The following BASP1 variants were observed in gnomAD, a reference collection of about 807,000 sequenced individuals.
BASP1 encodes the protein brain acid soluble protein 1.
Under a neutral mutation model 2.2 loss-of-function variants are expected in BASP1, and 1 was observed. The ratio of observed to expected loss-of-function variants is 0.46; its 90% CI spans 0.16 to 2.17. The LOEUF is 2.17. Among genes scored for constraint, BASP1 ranks in the 30% most tolerant of loss-of-function variants. BASP1 has a pLI of 0.27. For synonymous variants in BASP1, 187 were observed against 154.2 expected (o/e 1.21, Z -1.58); for missense variants, 352 against 327.2 (o/e 1.08, Z -0.58).
At chr5:17,249,741 G>T (rs1740064582) in intron 1 of BASP1, among the ~76,000 whole-genome samples, 1 of 151,954 alleles carries the variant, frequency 6.6e-6, no homozygotes, top group Non-Finnish European at 1.5e-5. Flanking sequence ...CTGTAGTAAC[G>T]TTTATCTATC....
At chr5:17,220,737 C>T (rs1222248025) in intron 1 of BASP1, among the ~76,000 whole-genome samples, 1 of 152,202 alleles carries the variant, frequency 6.6e-6, no homozygotes, top group Non-Finnish European at 1.5e-5. Context: ...CCTTGGAGGC[C>T]TCTTCATAAT....
chr5:17,247,476 C>CA (rs1176846999), intron 1 of BASP1, among the ~76,000 whole-genome samples: 1 of 152,204 alleles, frequency 6.6e-6, no homozygotes, highest in Non-Finnish European at 1.5e-5. Flanking sequence ...ATTATGCCTT[C>CA]ATTCAATTAT....
chr5:17,255,747 TGCATC>T (rs1740198163), intron 1 of BASP1, among the ~76,000 whole-genome samples: 1 of 63,058 alleles, frequency 1.6e-5, no homozygotes, highest in Non-Finnish European at 4.6e-5. Flanking sequence ...TCATGTTAAA[TGCATC>T]TCTTTCACTT....
rs751909790 is a variant in BASP1, at chr5:17,275,308, C to T, written c.92C>T (p.Thr31Met). 151 of 1,613,092 alleles carry T rather than the reference C, an allele frequency of 9.4e-5. No homozygotes were observed. The highest frequency in any genetic ancestry group is 1.2e-4 in the Non-Finnish European group (146 of 1,179,806). The change falls in exon 2 of 2, where the codon ACG becomes ATG. Residue 31 changes from threonine to methionine, a missense_variant. Transcript: ENST00000322611. This position sits in a 1 kb window ranked among gnomAD's most constrained non-coding sequence, Gnocchi z 5.3. ...EKDKKAEGAATEEEGTPKESE... is the reference protein window; with the variant it reads ...EKDKKAEGAAMEEEGTPKESE... ...GACAAGAAGGCCGAGGGCGCGGCGACGGAAGAGGAGGGGACCCCGAAGGAG... is the reference window on the plus strand; with the variant it reads ...GACAAGAAGGCCGAGGGCGCGGCGATGGAAGAGGAGGGGACCCCGAAGGAG...
chr5:17,242,211 A>G (rs1218519992), intron 1 of BASP1, among the ~76,000 whole-genome samples: 4 of 152,172 alleles, frequency 2.6e-5, no homozygotes, highest in African/African-American at 9.7e-5. Flanking sequence ...TTTAAATTTG[A>G]TCAATGACTC....
chr5:17,225,581 G>A (rs1330190177), intron 1 of BASP1, among the ~76,000 whole-genome samples: 2 of 152,172 alleles, frequency 1.3e-5, no homozygotes, highest in Admixed American at 6.5e-5. Flanking sequence ...CAGTGGTTGG[G>A]GGCTGGGAAG....
intron 1 of BASP1, among the ~76,000 whole-genome samples, chr5:17,219,117 C>T (rs1271947893): frequency 1.3e-5 from 2 of 152,038 alleles, no homozygotes; most frequent in East Asian, 1.9e-4. Context: ...CCCCACCTCC[C>T]GGGATTACAG....
Position 17,235,464 on chromosome 5 carries a change from G to A in BASP1, c.-10+17654G>A, listed in dbSNP as rs200539034. Among the ~76,000 whole-genome samples the A allele has an allele frequency of 9.9e-5, 15 of 151,954 alleles. No homozygotes were observed. In the East Asian group the frequency reaches 1.9e-3, roughly 20 times the overall value. On this transcript the variant is annotated intron_variant, in intron 1 of 1. Transcript: ENST00000322611. ...TTTTTAGTAGAGACGGGGTTTCACC[G>A]TGTTAGCCAGGATGGTCTCGATCTC...
chr5:17,219,560 G>A (rs1739352168), intron 1 of BASP1, among the ~76,000 whole-genome samples: 2 of 152,042 alleles, frequency 1.3e-5, no homozygotes, highest in Admixed American at 1.3e-4. Context: ...CTGCAGTGAG[G>A]GTGGCTTTCT....
In BASP1 at chr5:17,236,356, C is replaced by T. The variant is rs1052509057; in HGVS notation, c.-10+18546C>T. ...TCGGCTCACTGTGGCCTCTGCCTCC[C>T]GGGTTCAAGCAATTCTCCTGCCTCA... is the stretch of plus-strand genomic sequence containing the variant. On this transcript the variant is annotated intron_variant, in intron 1 of 1. Coordinates refer to ENST00000322611, the MANE Select transcript of BASP1 (RefSeq NM_006317.5). This position sits in a 1 kb window ranked among gnomAD's most constrained non-coding sequence, Gnocchi z 4.0. 6.6e-6 allele frequency among the ~76,000 whole-genome samples: 1 copy of T among 152,050 alleles called. No homozygotes were observed. Among genetic ancestry groups the T allele is most frequent in the African/African-American group, 2.4e-5 (1 of 41,396 alleles).
Position 17,239,094 on chromosome 5 carries a change from G to GT in BASP1, c.-10+21294dup, listed in dbSNP as rs963897015. Among the ~76,000 whole-genome samples the GT allele has an allele frequency of 5.1e-4, 76 of 148,742 alleles. No homozygotes were observed. The South Asian group carries it at 5.8e-3, about 11-fold the overall frequency. ...TAAATCTTACATCCTGTCTTCAGCTGTTTTTTTTTTCTTTTTTGAGATGGA... is the reference window on the plus strand; with the variant it reads ...TAAATCTTACATCCTGTCTTCAGCTGTTTTTTTTTTTCTTTTTTGAGATGGA... On this transcript the variant is annotated intron_variant, in intron 1 of 1. Coordinates refer to ENST00000322611, the MANE Select transcript of BASP1 (RefSeq NM_006317.5).
intron 1 of BASP1, among the ~76,000 whole-genome samples, chr5:17,218,406 T>C (rs942872005): frequency 1.3e-5 from 2 of 152,108 alleles, no homozygotes; most frequent in Middle Eastern, 3.2e-3. Context: ...ATCTTGGTTC[T>C]GGGGCCAAGG....
chr5:17,275,414 C>A lies in BASP1; in HGVS notation c.198C>A (p.Ala66=), dbSNP rs367590306. The A allele has an allele frequency of 2.4e-5, 37 of 1,558,368 alleles. No homozygotes were observed. Among genetic ancestry groups the A allele is most frequent in the Non-Finnish European group, 3.1e-5 (36 of 1,154,322 alleles). The part of the protein sequence containing the change: ...EKPDQDAEGK[A]EEKEGEKDAA... ...CCGACCAGGACGCCGAGGGCAAGGCCGAGGAGAAGGAGGGCGAGAAGGACG... is the reference window on the plus strand; with the variant it reads ...CCGACCAGGACGCCGAGGGCAAGGCAGAGGAGAAGGAGGGCGAGAAGGACG... The change falls in exon 2 of 2, where the codon GCC becomes GCA. Residue 66 remains alanine (A), a synonymous_variant. Coordinates refer to ENST00000322611, the MANE Select transcript of BASP1 (RefSeq NM_006317.5). This position sits in a 1 kb window ranked among gnomAD's most constrained non-coding sequence, Gnocchi z 5.3.
At chr5:17,255,676 A>G in intron 1 of BASP1, among the ~76,000 whole-genome samples, 1 of 152,204 alleles carries the variant, frequency 6.6e-6, no homozygotes, top group East Asian at 1.9e-4. Context: ...TAAATAATAG[A>G]ACATTCAGAA....
In BASP1 at chr5:17,260,405, T is replaced by C. The variant is rs1325127925; in HGVS notation, c.-9-14803T>C. 6.6e-6 allele frequency among the ~76,000 whole-genome samples: 1 copy of C among 152,164 alleles called. No individual in the cohort carries two copies. The highest frequency in any genetic ancestry group is 6.5e-5 in the Admixed American group (1 of 15,272). ...AGATTCACCTTTAAAAATTGGTCTC[T>C]ACAATATGCACATAGTAACAAAAGA... On this transcript the variant is annotated intron_variant, in intron 1 of 1. Coordinates refer to ENST00000322611, the MANE Select transcript of BASP1 (RefSeq NM_006317.5). This position sits in a 1 kb window ranked among gnomAD's most constrained non-coding sequence, Gnocchi z 4.2.
In BASP1 at chr5:17,217,669, A is replaced by T. The variant is rs572081998; in HGVS notation, c.-151A>T. Reference sequence around the variant, plus strand: ...GCGACGACGGCGGCGGCAGCGCTCCAACTGGCTCCTCGCTCCGGGCTCCGC... The same window carrying T: ...GCGACGACGGCGGCGGCAGCGCTCCTACTGGCTCCTCGCTCCGGGCTCCGC... On this transcript the variant is annotated 5_prime_UTR_variant, in exon 1 of 2. Coordinates refer to ENST00000322611, the MANE Select transcript of BASP1 (RefSeq NM_006317.5). 7.1e-4 allele frequency: 111 copies of T among 155,406 alleles called. No homozygotes were observed. The highest frequency in any genetic ancestry group is 5.5e-3 in the Admixed American group (84 of 15,296). The allele number at this position is 155,406 out of a possible 1,614,324, so 9.6% of individuals were successfully genotyped here.
intron 1 of BASP1, among the ~76,000 whole-genome samples, chr5:17,255,845 T>C (rs1740199936): frequency 2.0e-5 from 3 of 152,224 alleles, no homozygotes; most frequent in Non-Finnish European, 4.4e-5. Context: ...TCTGTTGCAA[T>C]TTCATGATTT....
At position 17,275,947 on chromosome 5, in the gene BASP1, CTCTCTCTCTCTCTCTCTCTCTCTA is replaced by C; in HGVS notation, c.*59_*82del. 1 of 345,882 alleles carries C rather than the reference CTCTCTCTCTCTCTCTCTCTCTCTA, an allele frequency of 2.9e-6. No individual in the cohort carries two copies. Among genetic ancestry groups the C allele is most frequent in the African/African-American group, 6.6e-5 (1 of 15,104 alleles). The allele number at this position is 345,882 out of a possible 1,614,324, so 21.4% of individuals were successfully genotyped here. Reference sequence around the variant, plus strand: ...ACAATACCACTTAAAACAATCTCCTCTCTCTCTCTCTCTCTCTCTCTCTATCTCTCTCTCTATCTCCTCTCTCTC... The same window carrying C: ...ACAATACCACTTAAAACAATCTCCTCTCTCTCTCTCTATCTCCTCTCTCTC... On this transcript the variant is annotated 3_prime_UTR_variant, in exon 2 of 2. Transcript: ENST00000322611. This position sits in a 1 kb window ranked among gnomAD's most constrained non-coding sequence, Gnocchi z 5.3.
intron 1 of BASP1, among the ~76,000 whole-genome samples, chr5:17,218,587 TCCCGGC>T (rs1413767440): frequency 2.0e-5 from 3 of 151,926 alleles, no homozygotes; most frequent in Admixed American, 2.0e-4. Flanking sequence ...CCGCCCTGGG[TCCCGGC>T]CCCGGCCCGG....
Sources: gnomAD v4.1 joint callset for allele counts (sites outside exome capture counted in the v4.1 genomes callset) on GRCh38, gnomAD v4.1.1 for gene constraint, Gnocchi (gnomAD v3.1) non-coding constraint, MANE v1.5 for transcripts, NCBI Gene and HGNC (gene_info 2026-07-23, HGNC 2026-07-21) for gene names.